Variants in UNC13B observed in about 807,000 individuals in gnomAD.
UNC13B encodes the protein protein unc-13 homolog B.
Under a neutral mutation model 211.0 loss-of-function variants are expected in UNC13B, and 144 were observed. The ratio of observed to expected loss-of-function variants is 0.68; its 90% CI spans 0.60 to 0.78. UNC13B has a LOEUF of 0.78. Ranked by LOEUF, UNC13B falls within the 30% of genes least tolerant of loss-of-function variation. UNC13B has a pLI of 0.00. For synonymous variants in UNC13B, 709 were observed against 725.8 expected (o/e 0.98, Z 0.37); for missense variants, 1,777 against 2,002.0 (o/e 0.89, Z 2.14).
intron 7 of UNC13B, among the ~76,000 whole-genome samples, chr9:35,295,287 A>T (rs1253695050): frequency 6.6e-6 from 1 of 152,116 alleles, no homozygotes; most frequent in East Asian, 1.9e-4. Context: ...TTTCCCCAAG[A>T]TATGAAAAAG....
At chr9:35,210,416 C>T (rs1265347211) in intron 1 of UNC13B, among the ~76,000 whole-genome samples, 1 of 152,168 alleles carries the variant, frequency 6.6e-6, no homozygotes, top group Non-Finnish European at 1.5e-5. Context: ...CACAGAATTC[C>T]TTCATCATCA....
At chr9:35,331,940 G>A (rs1371227704) in intron 11 of UNC13B, among the ~76,000 whole-genome samples, 1 of 151,648 alleles carries the variant, frequency 6.6e-6, no homozygotes, top group East Asian at 1.9e-4. Flanking sequence ...GGAAGGTAAT[G>A]TGCTTGGTCC....
intron 6 of UNC13B, among the ~76,000 whole-genome samples, chr9:35,258,380 C>G (rs1564098541): frequency 6.6e-6 from 1 of 152,128 alleles, no homozygotes; most frequent in Non-Finnish European, 1.5e-5. Context: ...TAATTCTTTT[C>G]CTTTTATGGA....
chr9:35,334,245 C>T (rs542639908), intron 11 of UNC13B, among the ~76,000 whole-genome samples: 3 of 152,298 alleles, frequency 2.0e-5, no homozygotes, highest in East Asian at 3.9e-4. Context: ...GGATTGCAGG[C>T]GTGAGCCACT....
intron 11 of UNC13B, chr9:35,341,771 G>A (rs563132986): frequency 5.1e-6 from 1 of 195,316 alleles, no homozygotes; most frequent in Admixed American, 6.5e-5. Context: ...AGTGTGCTGG[G>A]AAGGGGGTGT....
At chr9:35,389,213 G>A (rs565841537) in intron 24 of UNC13B, among the ~76,000 whole-genome samples, 164 of 152,204 alleles carry the variant, frequency 1.1e-3, no homozygotes, top group African/African-American at 3.0e-3. Context: ...TTACCTGAAA[G>A]TCACCATTGT....
chr9:35,277,469 C>G (rs1404248659), intron 7 of UNC13B, among the ~76,000 whole-genome samples: 1 of 152,192 alleles, frequency 6.6e-6, no homozygotes, highest in Non-Finnish European at 1.5e-5. Flanking sequence ...AGATGCCAGA[C>G]AGAGAACTGT....
At chr9:35,201,253 G>T (rs1174846835) in intron 1 of UNC13B, among the ~76,000 whole-genome samples, 2 of 152,124 alleles carry the variant, frequency 1.3e-5, no homozygotes, top group African/African-American at 4.8e-5. Flanking sequence ...TTTTATTGAG[G>T]ATTTTTGCAT....
intron 1 of UNC13B, among the ~76,000 whole-genome samples, chr9:35,171,334 T>G (rs1235160418): frequency 2.6e-5 from 4 of 152,128 alleles, no homozygotes; most frequent in African/African-American, 9.7e-5. Flanking sequence ...ACTCCTGACC[T>G]CAGGTGACCC....
At chr9:35,232,198 T>TTTTTTTTTTTTTTTTTTTTTG (rs397941594) in intron 3 of UNC13B, among the ~76,000 whole-genome samples, 1 of 141,272 alleles carries the variant, frequency 7.1e-6, no homozygotes, top group Non-Finnish European at 1.5e-5. Flanking sequence ...TTTTTTTTTT[T>TTTTTTTTTTTTTTTTTTTTTG]GAGGCAGGAT....
At chr9:35,190,973 T>A (rs1201825060) in intron 1 of UNC13B, among the ~76,000 whole-genome samples, 1 of 152,168 alleles carries the variant, frequency 6.6e-6, no homozygotes, top group East Asian at 1.9e-4. Flanking sequence ...TTTTTCTTTT[T>A]TTTTGAGACA....
chr9:35,319,812 C>G (rs187215377), intron 11 of UNC13B, among the ~76,000 whole-genome samples: 1 of 152,096 alleles, frequency 6.6e-6, no homozygotes, highest in Admixed American at 6.6e-5. Context: ...GCATGTGCCA[C>G]TTATGCCCAG....
In UNC13B at chr9:35,403,150, C is replaced by T. The variant is rs767496786; in HGVS notation, c.12485-17C>T. 2.5e-6 allele frequency: 4 copies of T among 1,613,046 alleles called. No individual in the cohort carries two copies. The highest frequency in any genetic ancestry group is 1.7e-4 in the Middle Eastern group (1 of 6,050). ...ACAGTTCTCCAATGGGGAATCATCT[C>T]TCCATTTGTCCCTCAGGGTCTGGTG... On this transcript the variant is annotated splice_polypyrimidine_tract_variant and intron_variant, in intron 37 of 39. Coordinates refer to ENST00000635942, the MANE Select transcript of UNC13B (RefSeq NM_001371189.2).
chr9:35,303,106 G>T lies in UNC13B; in HGVS notation c.3702G>T (p.Glu1234Asp), dbSNP rs561378247. Reference sequence around the variant, plus strand: ...CTGCTACTTCATGTGTGACTTCTGAGAACCCGAAGAACCATGTTGAAAAAC... The same window carrying T: ...CTGCTACTTCATGTGTGACTTCTGATAACCCGAAGAACCATGTTGAAAAAC... ...EVPATSCVTS[E>D]NPKNHVEKHE... Residue 1234 changes from glutamate to aspartate, a missense_variant, in exon 9 of 40, where the codon GAG becomes GAT. Physicochemically the swap from Glu to Asp is conservative, Grantham distance 45 (BLOSUM62 2). Coordinates refer to ENST00000635942, the MANE Select transcript of UNC13B (RefSeq NM_001371189.2). 8 of 398,628 alleles carry T rather than the reference G, an allele frequency of 2.0e-5. 2 individuals carry two copies. The South Asian group carries it at 1.0e-3, about 51-fold the overall frequency. The allele number at this position is 398,628 out of a possible 1,614,324, so 24.7% of individuals were successfully genotyped here.
At chr9:35,281,051 C>A (rs1307423485) in intron 7 of UNC13B, among the ~76,000 whole-genome samples, 1 of 152,028 alleles carries the variant, frequency 6.6e-6, no homozygotes, top group South Asian at 2.1e-4. Flanking sequence ...AGATCGAGAC[C>A]ATCCTGACCA....
intron 1 of UNC13B, among the ~76,000 whole-genome samples, chr9:35,163,441 A>G (rs991985476): frequency 2.0e-5 from 3 of 152,108 alleles, no homozygotes; most frequent in Non-Finnish European, 2.9e-5. Context: ...GGATTTGGCC[A>G]TTTCCCGGGA....
intron 1 of UNC13B, among the ~76,000 whole-genome samples, chr9:35,204,454 G>A (rs1823525972): frequency 6.6e-6 from 1 of 152,174 alleles, no homozygotes; most frequent in Admixed American, 6.5e-5. Context: ...ACTGTGCCTG[G>A]AAAAGCCACA....
chr9:35,239,253 G>A (rs113132364), intron 5 of UNC13B, among the ~76,000 whole-genome samples: 2,579 of 151,992 alleles, frequency 0.017, 58 homozygotes, highest in African/African-American at 0.059. Context: ...AGTGTTGGCC[G>A]GTCTAAGAAA....
chr9:35,272,238 GTTTT>G (rs1239331528), intron 7 of UNC13B, among the ~76,000 whole-genome samples: 3 of 134,586 alleles, frequency 2.2e-5, no homozygotes, highest in Non-Finnish European at 3.2e-5. Flanking sequence ...GTTTCATTTT[GTTTT>G]TTTTGTTTTT....
Sources: gnomAD v4.1 joint callset for allele counts (sites outside exome capture counted in the v4.1 genomes callset) on GRCh38, gnomAD v4.1.1 for gene constraint, MANE v1.5 for transcripts, NCBI Gene and HGNC (gene_info 2026-07-23, HGNC 2026-07-21) for gene names.